The following PP2D1 variants were observed in gnomAD, a reference collection of about 807,000 sequenced individuals.
The protein encoded by PP2D1 is protein phosphatase 2C like domain containing 1.
In PP2D1, 25 loss-of-function variants were observed where a neutral mutation model predicts 30.2. The ratio of observed to expected loss-of-function variants is 0.83; its 90% CI spans 0.60 to 1.16. The LOEUF is 1.16. Ranked by LOEUF, PP2D1 falls within the 50% of genes most tolerant of loss-of-function variation. The pLI is 0.00. For missense variants in PP2D1, 760 were observed against 742.4 expected, an observed-to-expected ratio of 1.02 and a Z score of -0.28; for synonymous variants, 260 against 258.9, an observed-to-expected ratio of 1.00 and a Z score of -0.04.
At chr3:19,996,466 C>CG (rs1287503741) in intron 2 of PP2D1, among the ~76,000 whole-genome samples, 1 of 152,012 alleles carries the variant, frequency 6.6e-6, no homozygotes, top group Non-Finnish European at 1.5e-5. Flanking sequence ...ATGAAAAGCC[C>CG]GGGACCAGAT....
At chr3:19,982,459 G>T (rs1178317490), downstream of PP2D1, among the ~76,000 whole-genome samples, 2 of 152,124 alleles carry the variant, frequency 1.3e-5, no homozygotes, top group African/African-American at 4.8e-5. Flanking sequence ...CCAAAGCATA[G>T]ATTATAATTG....
rs1697395041 is a variant in PP2D1 at position 20,012,068 on chromosome 3, C to G, written c.5G>C (p.Ser2Thr). M[S>T]TNNALRVFWK... ...AGTTTACCTTAAAGCATTATTGGTG[C>G]TCATGTTCCTTTGGAATTACCTTTC... The change falls in exon 1 of 3, where the codon AGC (serine) becomes ACC (threonine). Residue 2 changes from serine (S) to threonine (T), a missense_variant. Physicochemically the swap from Ser to Thr is moderately conservative, Grantham distance 58. Around this residue, in one of 3 missense-constraint regions of PP2D1, gnomAD observed 374 missense variants for 388.8 expected, o/e 0.96. Coordinates refer to ENST00000389050, the MANE Select transcript of PP2D1 (RefSeq NM_001252657.2). 2.0e-6 allele frequency: 3 copies of G among 1,531,652 alleles called. No individual in the cohort carries two copies. The highest frequency in any genetic ancestry group is 4.9e-5 in the East Asian group (2 of 40,672). The allele number at this position is 1,531,652 out of a possible 1,614,324, so 94.9% of individuals were successfully genotyped here.
At chr3:20,005,144 T>TATATA (rs35662929) in intron 1 of PP2D1, among the ~76,000 whole-genome samples, 307 of 123,322 alleles carry the variant, frequency 2.5e-3, no homozygotes, top group Non-Finnish European at 4.4e-3. Context: ...TATATATACA[T>TATATA]TTTTTTTTTT....
intron 2 of PP2D1, among the ~76,000 whole-genome samples, chr3:19,993,920 G>A (rs1697147109): frequency 1.3e-5 from 2 of 151,940 alleles, no homozygotes; most frequent in African/African-American, 4.8e-5. Flanking sequence ...TTTTAGTAGA[G>A]ATTGGGTTTC....
At chr3:19,984,367 CA>C (rs1388619303), downstream of PP2D1, 5 of 360,514 alleles carry the variant, frequency 1.4e-5, no homozygotes, top group East Asian at 9.1e-5. Flanking sequence ...TATACAAGGT[CA>C]GGGGTGGGGA....
intron 2 of PP2D1, among the ~76,000 whole-genome samples, chr3:19,997,093 AT>A (rs1350542910): frequency 6.6e-6 from 1 of 152,034 alleles, no homozygotes; most frequent in African/African-American, 2.4e-5. Flanking sequence ...CTGCTATGGT[AT>A]GTATTTTTGT....
chr3:19,996,804 G>A (rs942197238), intron 2 of PP2D1: 3 of 152,068 alleles, frequency 2.0e-5, no homozygotes, highest in Non-Finnish European at 4.4e-5. Flanking sequence ...TAAATGTGAA[G>A]CTTTGTGCAG....
rs933668437 is a variant in PP2D1, at chr3:20,001,893, G to A, written c.227C>T (p.Thr76Ile). ...CSICKHEIDL[T>I]GIFLHKKQHV... is the part of the protein sequence containing the mutation. ...TTGCTTCTTATGGAGAAAAATACCA[G>A]TTAGGTCAATTTCGTGCTTGCATAT... Residue 76 changes from threonine to isoleucine, a missense_variant, in exon 2 of 3, where the codon ACT becomes ATT. Around this residue, in one of 3 missense-constraint regions of PP2D1, gnomAD observed 374 missense variants for 388.8 expected, o/e 0.96. Coordinates refer to ENST00000389050, the MANE Select transcript of PP2D1 (RefSeq NM_001252657.2). The A allele has an allele frequency of 3.9e-6, 6 of 1,536,342 alleles. No individual in the cohort carries two copies. The East Asian group carries it at 1.5e-4, about 38-fold the overall frequency.
chr3:20,001,238 A>T lies in PP2D1; in HGVS notation c.882T>A (p.Asp294Glu), dbSNP rs1249800418. 1 of 1,536,080 alleles carries T rather than the reference A, an allele frequency of 6.5e-7. No homozygotes were observed. Among genetic ancestry groups the T allele is most frequent in the South Asian group, 1.2e-5 (1 of 84,038 alleles). ...KAFAKAFWRM[D>E]RLLGLGRKEV... ...CTTTTCTTCCAAGACCTAAAAGCCT[A>T]TCCATTCTCCAAAATGCTTTTGCAA... Residue 294 changes from aspartate (D) to glutamate (E), a missense_variant, in exon 2 of 3, where the codon GAT becomes GAA. By Grantham distance (45) the Asp-to-Glu change is conservative. This residue lies in a region of PP2D1 where 374 missense variants were observed against 388.8 expected (regional missense o/e 0.96). Coordinates refer to ENST00000389050, the MANE Select transcript of PP2D1 (RefSeq NM_001252657.2).
intron 2 of PP2D1, among the ~76,000 whole-genome samples, chr3:19,992,048 T>C (rs541566410): frequency 1.1e-4 from 16 of 152,338 alleles, no homozygotes; most frequent in African/African-American, 3.6e-4. Context: ...TCTTCAGTGC[T>C]GTAGTTTCAG....
chr3:20,010,748 G>C (rs1697375170), intron 1 of PP2D1, among the ~76,000 whole-genome samples: 1 of 152,098 alleles, frequency 6.6e-6, no homozygotes, highest in Non-Finnish European at 1.5e-5. Flanking sequence ...GTTGCGGTGA[G>C]CCAAGATCAT....
At position 19,985,965 on chromosome 3, in the gene PP2D1, A is replaced by T; in HGVS notation, c.1308T>A (p.Pro436=). The T allele has an allele frequency of 6.5e-7, 1 of 1,536,206 alleles. No individual in the cohort carries two copies. The highest frequency in any genetic ancestry group is 8.7e-7 in the Non-Finnish European group (1 of 1,146,866). ...CATCTATAGGGACAGAAATAGTTTG[A>T]GGTGCTGGGATAATGGATTTTTTCA... is the stretch of plus-strand genomic sequence containing the variant. ...LKLKKSIIPA[P]QTISVPIDDL... is the part of the protein sequence containing the mutation. The change falls in exon 3 of 3, where the codon CCT becomes CCA. Residue 436 remains proline, a synonymous_variant. Coordinates refer to ENST00000389050, the MANE Select transcript of PP2D1 (RefSeq NM_001252657.2).
intron 1 of PP2D1, among the ~76,000 whole-genome samples, chr3:20,011,047 C>T (rs779890550): frequency 3.3e-5 from 5 of 152,068 alleles, no homozygotes; most frequent in Non-Finnish European, 5.9e-5. Context: ...AGCCCTTCAT[C>T]TGGCTAGGAA....
intron 2 of PP2D1, among the ~76,000 whole-genome samples, chr3:19,993,298 C>T (rs139201208): frequency 7.2e-5 from 11 of 152,274 alleles, no homozygotes; most frequent in African/African-American, 2.6e-4. Context: ...TAGATTGACC[C>T]TTCCACTGAG....
chr3:19,983,954 A>G, downstream of PP2D1: 2 of 650,860 alleles, frequency 3.1e-6, no homozygotes, highest in East Asian at 2.8e-5. Context: ...TTTCTAATAC[A>G]GAATTATTTT....
intron 2 of PP2D1, among the ~76,000 whole-genome samples, chr3:19,986,693 T>G (rs778247623): frequency 9.8e-5 from 15 of 152,304 alleles, no homozygotes; most frequent in Middle Eastern, 6.8e-3. Flanking sequence ...AGAATGTCAC[T>G]ATTAATGTTA....
intron 1 of PP2D1, among the ~76,000 whole-genome samples, chr3:20,004,187 G>A (rs1239597726): frequency 1.3e-5 from 2 of 152,106 alleles, no homozygotes; most frequent in African/African-American, 2.4e-5. Context: ...TACCTCTTCT[G>A]TGTTTAGGTA....
chr3:19,992,829 G>A (rs927238254), intron 2 of PP2D1, among the ~76,000 whole-genome samples: 29 of 152,126 alleles, frequency 1.9e-4, no homozygotes, highest in Non-Finnish European at 2.9e-4. Flanking sequence ...AAGGAGTGAC[G>A]TGGCAATCTT....
chr3:19,988,115 CTG>C (rs1697065543), intron 2 of PP2D1, among the ~76,000 whole-genome samples: 1 of 152,132 alleles, frequency 6.6e-6, no homozygotes, highest in Admixed American at 6.5e-5. Context: ...AATATGAAAT[CTG>C]GACACCTTGA....
Sources: allele counts gnomAD v4.1 joint callset (sites outside exome capture counted in the v4.1 genomes callset), GRCh38; gene constraint gnomAD v4.1.1; regional missense constraint gnomAD v4.1.1; transcripts MANE v1.5; gene names NCBI Gene and HGNC (gene_info 2026-07-23, HGNC 2026-07-21).